TEAD1: variants seen among roughly 807,000 people sequenced by gnomAD.
TEAD1 encodes the protein TEA domain transcription factor 1.
Under a neutral mutation model 54.9 loss-of-function variants are expected in TEAD1, and 9 were observed. That is an observed-to-expected ratio of 0.16 (90% CI 0.10 to 0.29). The LOEUF is 0.29. Ranked by LOEUF, TEAD1 falls within the 10% of genes least tolerant of loss-of-function variation. TEAD1 has a pLI of 1.00. For synonymous variants in TEAD1, 200 were observed against 187.8 expected, an observed-to-expected ratio of 1.07 and a Z score of -0.53; for missense variants, 387 against 535.9, an observed-to-expected ratio of 0.72 and a Z score of 2.74.
chr11:12,837,549 G>T (rs1946919100), intron 3 of TEAD1, among the ~76,000 whole-genome samples: 1 of 152,108 alleles, frequency 6.6e-6, no homozygotes, highest in Non-Finnish European at 1.5e-5. Context: ...GTATTAACAG[G>T]TTTAGTTACT....
At chr11:12,893,285 T>C (rs1948236642) in intron 9 of TEAD1, among the ~76,000 whole-genome samples, 2 of 152,062 alleles carry the variant, frequency 1.3e-5, no homozygotes. Flanking sequence ...ACGTAGGAGA[T>C]GGAGTGTCTC....
At chr11:12,884,342 T>G (rs1948042356) in intron 9 of TEAD1, among the ~76,000 whole-genome samples, 1 of 152,194 alleles carries the variant, frequency 6.6e-6, no homozygotes, top group Non-Finnish European at 1.5e-5. Flanking sequence ...CCTCACCAAC[T>G]CTCACCACGT....
intron 2 of TEAD1, among the ~76,000 whole-genome samples, chr11:12,756,183 C>G (rs1189331363): frequency 6.6e-6 from 1 of 152,136 alleles, no homozygotes; most frequent in East Asian, 1.9e-4. Context: ...TCTGTTGACA[C>G]GGAAGTGATT....
chr11:12,878,171 A>G (rs1435935813), intron 5 of TEAD1, among the ~76,000 whole-genome samples: 3 of 152,104 alleles, frequency 2.0e-5, no homozygotes, highest in African/African-American at 7.2e-5. Flanking sequence ...TTGGAAATTC[A>G]CATTGTCTTC....
intron 3 of TEAD1, among the ~76,000 whole-genome samples, chr11:12,850,222 G>C (rs1033168870): frequency 6.6e-6 from 1 of 152,182 alleles, no homozygotes; most frequent in Non-Finnish European, 1.5e-5. Flanking sequence ...TATCACCTGA[G>C]GTCAGGAGTT....
intron 3 of TEAD1, among the ~76,000 whole-genome samples, chr11:12,853,256 T>G (rs562743269): frequency 1.3e-5 from 2 of 152,234 alleles, no homozygotes; most frequent in East Asian, 3.9e-4. Flanking sequence ...GGAAGCTTGG[T>G]AGGTATTTTG....
At chr11:12,727,724 G>C (rs1944342166) in intron 2 of TEAD1, among the ~76,000 whole-genome samples, 1 of 152,132 alleles carries the variant, frequency 6.6e-6, no homozygotes, top group African/African-American at 2.4e-5. Flanking sequence ...TACAGAGTGG[G>C]AGTGGATCTG....
At chr11:12,842,851 T>C (rs1380019174) in intron 3 of TEAD1, among the ~76,000 whole-genome samples, 1 of 152,182 alleles carries the variant, frequency 6.6e-6, no homozygotes, top group African/African-American at 2.4e-5. Context: ...GTTATAAGCA[T>C]CAAAGCCTTT....
At chr11:12,881,336 C>A (rs1947961783) in intron 7 of TEAD1, among the ~76,000 whole-genome samples, 1 of 152,164 alleles carries the variant, frequency 6.6e-6, no homozygotes, top group Admixed American at 6.5e-5. Context: ...GTATTGAAGG[C>A]TGAGCTGTGG....
At chr11:12,904,580 G>A (rs1948485044) in intron 10 of TEAD1, among the ~76,000 whole-genome samples, 1 of 152,110 alleles carries the variant, frequency 6.6e-6, no homozygotes, top group Non-Finnish European at 1.5e-5. Context: ...AATGACCACT[G>A]TTATCTGAGG....
intron 3 of TEAD1, among the ~76,000 whole-genome samples, chr11:12,809,053 A>G (rs1472427450): frequency 1.3e-5 from 2 of 152,224 alleles, no homozygotes; most frequent in Middle Eastern, 3.2e-3. Context: ...AGTAGAAACC[A>G]AAAACGTTCT....
chr11:12,730,249 C>A (rs564741447), intron 2 of TEAD1, among the ~76,000 whole-genome samples: 5 of 152,200 alleles, frequency 3.3e-5, no homozygotes, highest in African/African-American at 9.6e-5. Context: ...AACACTCTCC[C>A]AGGCTTTGTC....
At chr11:12,755,014 A>AG (rs1271187225) in intron 2 of TEAD1, among the ~76,000 whole-genome samples, 1 of 152,210 alleles carries the variant, frequency 6.6e-6, no homozygotes. Flanking sequence ...GAATCAGCCA[A>AG]GGGGGCCGCA....
intron 3 of TEAD1, among the ~76,000 whole-genome samples, chr11:12,856,031 C>A (rs1236086176): frequency 6.6e-6 from 1 of 151,142 alleles, no homozygotes; most frequent in Non-Finnish European, 1.5e-5. Flanking sequence ...TGAGAAATTT[C>A]TTTGTAAACC....
At chr11:12,768,247 A>G (rs191079983) in intron 3 of TEAD1, among the ~76,000 whole-genome samples, 3 of 152,298 alleles carry the variant, frequency 2.0e-5, no homozygotes, top group Admixed American at 6.5e-5. Context: ...CTCTGTCTCA[A>G]TTTCCTCAAC....
intron 3 of TEAD1, among the ~76,000 whole-genome samples, chr11:12,785,993 C>T (rs1165833913): frequency 6.6e-6 from 1 of 152,172 alleles, no homozygotes; most frequent in African/African-American, 2.4e-5. Flanking sequence ...AAACCTGTAG[C>T]CCCAGATAGA....
intron 10 of TEAD1, among the ~76,000 whole-genome samples, chr11:12,910,729 A>T (rs553783297): frequency 2.0e-5 from 3 of 148,444 alleles, no homozygotes; most frequent in African/African-American, 7.5e-5. Context: ...AATACTGTCT[A>T]CATAGTTACT....
intron 2 of TEAD1, among the ~76,000 whole-genome samples, chr11:12,707,362 A>G (rs1020939243): frequency 7.9e-5 from 12 of 152,158 alleles, no homozygotes; most frequent in African/African-American, 2.4e-4. Flanking sequence ...ACCCAAGGAC[A>G]TGATAGAGCT....
At chr11:12,848,170 A>G (rs1391643490) in intron 3 of TEAD1, among the ~76,000 whole-genome samples, 1 of 152,144 alleles carries the variant, frequency 6.6e-6, no homozygotes, top group Non-Finnish European at 1.5e-5. Context: ...TTCTCTTCCT[A>G]GACCATAAAC....
Sources: gnomAD v4.1 joint callset for allele counts (sites outside exome capture counted in the v4.1 genomes callset) on GRCh38, gnomAD v4.1.1 for gene constraint, MANE v1.5 for transcripts, NCBI Gene and HGNC (gene_info 2026-07-23, HGNC 2026-07-21) for gene names.